Variants in SNTG1 observed in about 807,000 individuals in gnomAD.
SNTG1 encodes the protein syntrophin gamma 1.
SNTG1 carries 39 observed loss-of-function variants against 74.7 expected under a neutral mutation model. The ratio of observed to expected loss-of-function variants is 0.52; its 90% CI spans 0.40 to 0.68. The LOEUF is 0.68. SNTG1 is among the 30% of genes least tolerant of loss of function. The probability of loss-of-function intolerance (pLI) is 0.00; values close to 1 mark genes in which losing one functional copy is unlikely to be tolerated. For synonymous variants in SNTG1, 254 were observed against 217.1 expected, an observed-to-expected ratio of 1.17 and a Z score of -1.49; for missense variants, 685 against 609.5, an observed-to-expected ratio of 1.12 and a Z score of -1.30.
In SNTG1 at chr8:50,377,955, G is replaced by A. The variant is rs190631022; in HGVS notation, c.-27-16257G>A. 1.4e-3 allele frequency among the ~76,000 whole-genome samples: 218 copies of A among 152,284 alleles called. 1 individual carries two copies. Among genetic ancestry groups the A allele is most frequent in the African/African-American group, 4.8e-3 (201 of 41,568 alleles). On this transcript the variant is annotated intron_variant, in intron 2 of 18. Transcript: ENST00000642720. The stretch of plus-strand genomic sequence containing the variant: ...AATGCTATGGGATGCTTGAGGTGTC[G>A]CTTTTCCGGATGGAAACCTCTGTGG...
intron 17 of SNTG1, among the ~76,000 whole-genome samples, chr8:50,712,612 C>T (rs1319929789): frequency 6.6e-6 from 1 of 151,844 alleles, no homozygotes; most frequent in African/African-American, 2.4e-5. Context: ...AGGTTTTAAC[C>T]CCCACCTGCA....
At chr8:50,149,622 T>C (rs1406172092) in intron 1 of SNTG1, among the ~76,000 whole-genome samples, 1 of 152,218 alleles carries the variant, frequency 6.6e-6, no homozygotes, top group East Asian at 1.9e-4. Flanking sequence ...CTAGCCAGTT[T>C]TCCCAGCACC....
chr8:50,460,377 G>A (rs544984084), intron 8 of SNTG1, among the ~76,000 whole-genome samples: 1 of 152,094 alleles, frequency 6.6e-6, no homozygotes, highest in South Asian at 2.1e-4. Flanking sequence ...AAGGACTCTG[G>A]ATATTAGTCC....
intron 4 of SNTG1, among the ~76,000 whole-genome samples, chr8:50,417,813 G>GTT (rs1241303681): frequency 6.6e-6 from 1 of 152,004 alleles, no homozygotes; most frequent in Non-Finnish European, 1.5e-5. Flanking sequence ...GACCTTATGT[G>GTT]TTTTCTCCCT....
chr8:50,718,202 G>A (rs1233559286), intron 17 of SNTG1, among the ~76,000 whole-genome samples: 2 of 152,122 alleles, frequency 1.3e-5, no homozygotes, highest in Non-Finnish European at 2.9e-5. Context: ...TAGGCACACG[G>A]TGAAGGAAGA....
intron 2 of SNTG1, among the ~76,000 whole-genome samples, chr8:50,208,364 C>G (rs2084345559): frequency 6.6e-6 from 1 of 152,156 alleles, no homozygotes; most frequent in African/African-American, 2.4e-5. Flanking sequence ...TCTGTTTTAT[C>G]AGAGACTGGG....
At chr8:49,946,123 C>A (rs1256270995) in intron 1 of SNTG1, among the ~76,000 whole-genome samples, 1 of 152,100 alleles carries the variant, frequency 6.6e-6, no homozygotes, top group Admixed American at 6.6e-5. Flanking sequence ...TATCATCTAT[C>A]TATTATGTAT....
chr8:50,499,694 T>C (rs2093934808), intron 8 of SNTG1, among the ~76,000 whole-genome samples: 1 of 151,752 alleles, frequency 6.6e-6, no homozygotes, highest in South Asian at 2.1e-4. Flanking sequence ...CCTATGCCAG[T>C]TTGAGGAAGT....
chr8:49,997,025 T>C (rs1246622449), intron 1 of SNTG1, among the ~76,000 whole-genome samples: 1 of 152,148 alleles, frequency 6.6e-6, no homozygotes, highest in African/African-American at 2.4e-5. Flanking sequence ...TAGAATATAA[T>C]TAGCTTTTTA....
intron 2 of SNTG1, among the ~76,000 whole-genome samples, chr8:50,361,511 G>C (rs1388227618): frequency 6.6e-6 from 1 of 152,062 alleles, no homozygotes; most frequent in African/African-American, 2.4e-5. Flanking sequence ...CCTTTTGTTT[G>C]CTTGTTTGTT....
At chr8:50,411,482 AAAAAT>A (rs2092948543) in intron 4 of SNTG1, among the ~76,000 whole-genome samples, 1 of 152,020 alleles carries the variant, frequency 6.6e-6, no homozygotes, top group African/African-American at 2.4e-5. Context: ...ATCTCAAAAA[AAAAAT>A]AAAATAAAAA....
At chr8:50,051,303 C>T (rs567728455) in intron 1 of SNTG1, among the ~76,000 whole-genome samples, 3 of 149,090 alleles carry the variant, frequency 2.0e-5, no homozygotes, top group East Asian at 2.0e-4. Context: ...AAATTAAAAA[C>T]GTAGCAAGAT....
At chr8:50,081,207 T>G (rs1822373380) in intron 1 of SNTG1, among the ~76,000 whole-genome samples, 1 of 152,186 alleles carries the variant, frequency 6.6e-6, no homozygotes, top group African/African-American at 2.4e-5. Context: ...TTTGCCTTCA[T>G]TTTTAAGTTT....
At chr8:50,197,006 G>T (rs2083796900) in intron 2 of SNTG1, among the ~76,000 whole-genome samples, 3 of 151,682 alleles carry the variant, frequency 2.0e-5, no homozygotes, top group Admixed American at 2.0e-4. Flanking sequence ...AAGAAAAATT[G>T]AAAGTAGCAT....
rs1166778860 is a variant in SNTG1 at position 50,473,259 on chromosome 8, C to G, written c.363+22530C>G. Among the ~76,000 whole-genome samples, 4 of 152,180 alleles carry G rather than the reference C, an allele frequency of 2.6e-5. No homozygotes were observed. In the East Asian group the frequency reaches 5.8e-4, roughly 22 times the overall value. On this transcript the variant is annotated intron_variant, in intron 8 of 18. Coordinates refer to ENST00000642720, the MANE Select transcript of SNTG1 (RefSeq NM_018967.5). ...TTTCATTTGGCACTTCTCCTTCCTG[C>G]TACCTTATGAAGAAGATGCCTTGCT...
intron 15 of SNTG1, among the ~76,000 whole-genome samples, chr8:50,675,285 G>T (rs1238999192): frequency 6.6e-6 from 1 of 151,786 alleles, no homozygotes; most frequent in Non-Finnish European, 1.5e-5. Flanking sequence ...CTATTATTAT[G>T]TGGCAGTCTA....
At chr8:50,249,445 A>T (rs1249621866) in intron 2 of SNTG1, among the ~76,000 whole-genome samples, 2 of 152,194 alleles carry the variant, frequency 1.3e-5, no homozygotes, top group Non-Finnish European at 2.9e-5. Flanking sequence ...CTGGACTCAC[A>T]TGTACCTGCC....
intron 1 of SNTG1, among the ~76,000 whole-genome samples, chr8:49,981,426 G>A (rs750083998): frequency 1.5e-5 from 1 of 65,282 alleles, no homozygotes; most frequent in Non-Finnish European, 2.9e-5. Flanking sequence ...TTGGAGGCAG[G>A]CTAGACTGAA....
At chr8:50,564,784 G>A (rs1172862438) in intron 12 of SNTG1, among the ~76,000 whole-genome samples, 1 of 151,980 alleles carries the variant, frequency 6.6e-6, no homozygotes, top group Non-Finnish European at 1.5e-5. Flanking sequence ...TGAAAATAAT[G>A]CCATACAATG....
Sources: gnomAD v4.1 joint callset for allele counts (sites outside exome capture counted in the v4.1 genomes callset) on GRCh38, gnomAD v4.1.1 for gene constraint, MANE v1.5 for transcripts, NCBI Gene and HGNC (gene_info 2026-07-23, HGNC 2026-07-21) for gene names.